ZNF385B: variants seen among roughly 807,000 people sequenced by gnomAD.
The protein encoded by ZNF385B is zinc finger protein 533.
In ZNF385B, 23 loss-of-function variants were observed where a neutral mutation model predicts 39.2. The observed-to-expected ratio is 0.59, with a 90% CI of 0.42 to 0.83. The LOEUF is 0.83. ZNF385B is among the 40% of genes least tolerant of loss of function. The pLI is 0.00. For synonymous variants in ZNF385B, 205 were observed against 222.6 expected, an observed-to-expected ratio of 0.92 and a Z score of 0.70; for missense variants, 552 against 598.9, an observed-to-expected ratio of 0.92 and a Z score of 0.82.
At chr2:179,528,152 A>G (rs2059031433) in intron 4 of ZNF385B, among the ~76,000 whole-genome samples, 1 of 152,208 alleles carries the variant, frequency 6.6e-6, no homozygotes, top group Admixed American at 6.5e-5. Context: ...AAGTGGTAAA[A>G]CCTGTAGACT....
intron 6 of ZNF385B, among the ~76,000 whole-genome samples, chr2:179,462,397 A>G (rs1038821124): frequency 5.9e-5 from 9 of 152,210 alleles, no homozygotes; most frequent in Non-Finnish European, 1.2e-4. Flanking sequence ...AGCAGACAAA[A>G]GGGGGAAAAA....
chr2:179,533,841 T>C (rs986697891), intron 4 of ZNF385B, among the ~76,000 whole-genome samples: 2 of 152,214 alleles, frequency 1.3e-5, no homozygotes, highest in African/African-American at 2.4e-5. Flanking sequence ...TTTAAAAATA[T>C]AGCAAGAAAC....
Position 179,493,493 on chromosome 2 carries a change from G to GTGTGTACACATATGCGTATACATA in ZNF385B, c.553-10060_553-10059insTATGTATACGCATATGTGTACACA, listed in dbSNP as rs1553571606. Among the ~76,000 whole-genome samples the GTGTGTACACATATGCGTATACATA allele has an allele frequency of 2.0e-3, 304 of 149,816 alleles. 3 individuals are homozygous for GTGTGTACACATATGCGTATACATA. Among genetic ancestry groups the GTGTGTACACATATGCGTATACATA allele is most frequent in the African/African-American group, 7.2e-3 (293 of 40,938 alleles). Reference sequence around the variant, plus strand: ...TGCATGTGTACACATATGTATAAACGTGTGTGTACATATATGCGTATACAT... The same window carrying GTGTGTACACATATGCGTATACATA: ...TGCATGTGTACACATATGTATAAACGTGTGTACACATATGCGTATACATATGTGTGTACATATATGCGTATACAT... On this transcript the variant is annotated intron_variant, in intron 5 of 9. Coordinates refer to ENST00000410066, the MANE Select transcript of ZNF385B (RefSeq NM_152520.6).
chr2:179,470,866 G>GAAACAAACAAACAAACAAACAAAC (rs56072176), intron 6 of ZNF385B, among the ~76,000 whole-genome samples: 47 of 151,240 alleles, frequency 3.1e-4, no homozygotes, highest in African/African-American at 9.2e-4. Context: ...GTATGTCCCT[G>GAAACAAACAAACAAACAAACAAAC]AAACAAACAA....
chr2:179,491,532 C>A (rs1201508455), intron 5 of ZNF385B, among the ~76,000 whole-genome samples: 2 of 152,068 alleles, frequency 1.3e-5, no homozygotes, highest in Admixed American at 6.6e-5. Context: ...AAAATGAGTT[C>A]TCTGTCTACT....
chr2:179,827,162 T>G (rs1707724266), intron 1 of ZNF385B, among the ~76,000 whole-genome samples: 1 of 152,212 alleles, frequency 6.6e-6, no homozygotes, highest in Non-Finnish European at 1.5e-5. Flanking sequence ...GTAAATATGA[T>G]AGGCATGCAG....
intron 3 of ZNF385B, among the ~76,000 whole-genome samples, chr2:179,596,374 T>C (rs913479262): frequency 6.6e-6 from 1 of 152,208 alleles, no homozygotes; most frequent in African/African-American, 2.4e-5. Context: ...AACAGCCTTT[T>C]TTTCACTTTG....
intron 1 of ZNF385B, among the ~76,000 whole-genome samples, chr2:179,846,043 CT>C (rs1216233030): frequency 6.6e-6 from 1 of 152,178 alleles, no homozygotes; most frequent in Non-Finnish European, 1.5e-5. Flanking sequence ...TGAATACATA[CT>C]TTTGGTTGGC....
chr2:179,730,213 G>C (rs149930569), intron 3 of ZNF385B, among the ~76,000 whole-genome samples: 8 of 152,216 alleles, frequency 5.3e-5, no homozygotes, highest in African/African-American at 1.9e-4. Flanking sequence ...TTATGCCCGG[G>C]TCCTGGCTTA....
At chr2:179,714,031 AT>A (rs1700167411) in intron 3 of ZNF385B, among the ~76,000 whole-genome samples, 1 of 152,218 alleles carries the variant, frequency 6.6e-6, no homozygotes, top group Non-Finnish European at 1.5e-5. Flanking sequence ...AGTGGTAAAC[AT>A]TTGAATGTTG....
intron 6 of ZNF385B, among the ~76,000 whole-genome samples, chr2:179,470,251 A>T (rs948990905): frequency 6.6e-6 from 1 of 152,208 alleles, no homozygotes; most frequent in Non-Finnish European, 1.5e-5. Context: ...TGGATTAAGG[A>T]TGACAGGCAT....
At chr2:179,840,500 G>C (rs1708484717) in intron 1 of ZNF385B, among the ~76,000 whole-genome samples, 1 of 152,166 alleles carries the variant, frequency 6.6e-6, no homozygotes, top group South Asian at 2.1e-4. Flanking sequence ...GTGAATGAAA[G>C]CTAGGAGACC....
intron 3 of ZNF385B, among the ~76,000 whole-genome samples, chr2:179,630,714 A>C (rs1691123201): frequency 6.6e-6 from 1 of 152,176 alleles, no homozygotes; most frequent in African/African-American, 2.4e-5. Flanking sequence ...TCGGTCATAA[A>C]CTTCTCCGAG....
At chr2:179,752,968 T>C (rs546306675) in intron 3 of ZNF385B, among the ~76,000 whole-genome samples, 3 of 152,346 alleles carry the variant, frequency 2.0e-5, no homozygotes, top group East Asian at 3.9e-4. Context: ...CTGGCTTTTG[T>C]TGCCATTGCT....
At chr2:179,666,176 A>G (rs1695129617) in intron 3 of ZNF385B, among the ~76,000 whole-genome samples, 1 of 152,230 alleles carries the variant, frequency 6.6e-6, no homozygotes, top group South Asian at 2.1e-4. Context: ...AATCTAAAAA[A>G]AATTTCATTA....
chr2:179,714,942 C>A (rs1312334179), intron 3 of ZNF385B, among the ~76,000 whole-genome samples: 677 of 79,202 alleles, frequency 8.5e-3, no homozygotes, highest in South Asian at 0.01. Context: ...GATTCTATCT[C>A]AAAAAAAAAA....
intron 3 of ZNF385B, among the ~76,000 whole-genome samples, chr2:179,743,230 G>A (rs2106454262): frequency 6.6e-6 from 1 of 152,014 alleles, no homozygotes; most frequent in South Asian, 2.1e-4. Context: ...TAATAAATAT[G>A]AGATATTTAT....
Position 179,536,120 on chromosome 2 carries a change from C to T in ZNF385B, c.441+8707G>A, listed in dbSNP as rs113261315. ...ACTTTTTTGTATTTATTAGGCTTGG[C>T]TACCATACCACAGAGACATAAAGTT... On this transcript the variant is annotated intron_variant, in intron 4 of 9. Transcript: ENST00000410066. 4.6e-3 allele frequency among the ~76,000 whole-genome samples: 699 copies of T among 152,212 alleles called. 6 individuals carry two copies. The highest frequency in any genetic ancestry group is 0.014 in the South Asian group (69 of 4,816).
chr2:179,515,580 T>C (rs905569336), intron 5 of ZNF385B, among the ~76,000 whole-genome samples: 1 of 152,240 alleles, frequency 6.6e-6, no homozygotes, highest in South Asian at 2.1e-4. Context: ...TGAGCAATAC[T>C]GTAAAATTTA....
Sources: gnomAD v4.1 joint callset for allele counts (sites outside exome capture counted in the v4.1 genomes callset) on GRCh38, gnomAD v4.1.1 for gene constraint, MANE v1.5 for transcripts, NCBI Gene and HGNC (gene_info 2026-07-23, HGNC 2026-07-21) for gene names.